TMEM123: variants seen among roughly 807,000 people sequenced by gnomAD.
The protein encoded by TMEM123 is porimin.
TMEM123 carries 16 observed loss-of-function variants against 19.7 expected under a neutral mutation model. That is an observed-to-expected ratio of 0.81 (90% CI 0.55 to 1.23). The LOEUF (loss-of-function observed/expected upper bound fraction) is 1.23. Among genes scored for constraint, TMEM123 ranks in the 50% most tolerant of loss-of-function variants. The pLI is 0.00. For missense variants in TMEM123, 313 were observed against 257.8 expected (o/e 1.21, Z -1.47); for synonymous variants, 118 against 99.4 (o/e 1.19, Z -1.12).
chr11:102,439,145 G>A (rs542147379), intron 2 of TMEM123, among the ~76,000 whole-genome samples: 28 of 152,328 alleles, frequency 1.8e-4, no homozygotes, highest in South Asian at 4.1e-4. Context: ...TGCCTCTGTA[G>A]ATTCCACCTC....
At chr11:102,438,455 T>C (rs886141741) in intron 2 of TMEM123, among the ~76,000 whole-genome samples, 2 of 152,258 alleles carry the variant, frequency 1.3e-5, no homozygotes, top group Non-Finnish European at 2.9e-5. Flanking sequence ...CAGGAACTTA[T>C]TCATCTTATT....
intron 2 of TMEM123, among the ~76,000 whole-genome samples, chr11:102,441,799 A>T (rs992101002): frequency 6.6e-6 from 1 of 152,136 alleles, no homozygotes; most frequent in Non-Finnish European, 1.5e-5. Context: ...TTGATAGACC[A>T]CTAGCAAGAC....
intron 2 of TMEM123, among the ~76,000 whole-genome samples, chr11:102,445,388 A>T (rs1189559968): frequency 6.6e-6 from 1 of 152,208 alleles, no homozygotes; most frequent in Non-Finnish European, 1.5e-5. Flanking sequence ...TCTATCAGTG[A>T]ATCAATCAAT....
chr11:102,429,378 T>C (rs990375221), intron 2 of TMEM123, among the ~76,000 whole-genome samples: 3 of 152,174 alleles, frequency 2.0e-5, no homozygotes, highest in African/African-American at 7.2e-5. Context: ...CCTCTTCAGT[T>C]TTTTTCCTCC....
chr11:102,425,639 A>C (rs2135854548), intron 2 of TMEM123, among the ~76,000 whole-genome samples: 1 of 136,676 alleles, frequency 7.3e-6, no homozygotes, highest in East Asian at 2.1e-4. Context: ...CTAGAAGTGC[A>C]GTGGCATGGT....
chr11:102,402,163 G>T lies in TMEM123; in HGVS notation c.201C>A (p.Ser67=). The T allele has an allele frequency of 6.2e-7, 1 of 1,614,052 alleles. No homozygotes were observed. Among genetic ancestry groups the T allele is most frequent in the Non-Finnish European group, 8.5e-7 (1 of 1,180,002 alleles). ...HVPSDHTNET[S]NSTVKPPTSV... Reference sequence around the variant, plus strand: ...AAGTTGGTGGTTTCACAGTACTGTTGGAAGTTTCATTTGTATGGTCAGAAG... The same window carrying T: ...AAGTTGGTGGTTTCACAGTACTGTTTGAAGTTTCATTTGTATGGTCAGAAG... Residue 67 remains serine (S), a synonymous_variant, in exon 3 of 5, where the codon TCC becomes TCA. Transcript: ENST00000398136.
chr11:102,420,937 C>T (rs1320169320), intron 2 of TMEM123, among the ~76,000 whole-genome samples: 1 of 152,150 alleles, frequency 6.6e-6, no homozygotes, highest in Non-Finnish European at 1.5e-5. Context: ...ATCCCAGCTA[C>T]TCTGGAGGTT....
chr11:102,417,571 C>T (rs1952052193), intron 2 of TMEM123, among the ~76,000 whole-genome samples: 1 of 152,098 alleles, frequency 6.6e-6, no homozygotes, highest in Admixed American at 6.5e-5. Context: ...ATTAAGATGG[C>T]CATACTGCCC....
intron 1 of TMEM123, among the ~76,000 whole-genome samples, chr11:102,450,961 T>C (rs1293997106): frequency 6.6e-6 from 1 of 152,250 alleles, no homozygotes; most frequent in Non-Finnish European, 1.5e-5. Context: ...AAATCTTCTA[T>C]TGTATACCTT....
intron 2 of TMEM123, 148 bp from the exon 3 acceptor site, chr11:102,402,354 C>G: frequency 1.4e-6 from 1 of 736,258 alleles, no homozygotes; most frequent in East Asian, 2.7e-5. Flanking sequence ...ATACTTTGCA[C>G]TATACTGCAA....
chr11:102,408,350 T>G (rs1269238507), intron 2 of TMEM123, among the ~76,000 whole-genome samples: 1 of 152,214 alleles, frequency 6.6e-6, no homozygotes, highest in Non-Finnish European at 1.5e-5. Context: ...GTAAAATTAT[T>G]ACTCCTAATT....
intron 2 of TMEM123, among the ~76,000 whole-genome samples, chr11:102,409,390 T>G (rs1435442569): frequency 1.3e-5 from 2 of 152,148 alleles, no homozygotes; most frequent in African/African-American, 4.8e-5. Context: ...ATTTACAACC[T>G]TACCCCATCA....
At chr11:102,443,605 C>T (rs764654893) in intron 2 of TMEM123, among the ~76,000 whole-genome samples, 33 of 152,164 alleles carry the variant, frequency 2.2e-4, no homozygotes, top group Non-Finnish European at 4.6e-4. Flanking sequence ...AGAAGAAAAC[C>T]TAAGCAATAC....
chr11:102,405,102 G>A (rs1357537001), intron 2 of TMEM123, among the ~76,000 whole-genome samples: 1 of 150,530 alleles, frequency 6.6e-6, no homozygotes, highest in Non-Finnish European at 1.5e-5. Flanking sequence ...AGGCTGGAGT[G>A]CAGTGGCGTG....
At position 102,402,005 on chromosome 11, in the gene TMEM123, C is replaced by G. The variant is rs1394390963; in HGVS notation, c.359G>C (p.Ser120Thr). The G allele has an allele frequency of 2.5e-6, 4 of 1,614,114 alleles. No individual in the cohort carries two copies. The highest frequency in any genetic ancestry group is 2.5e-6 in the Non-Finnish European group (3 of 1,180,012). Reference sequence around the variant, plus strand: ...TATCTGAGATGTGTTCTGTGAAACACTTGTTGTTTTGGGTGTAGACTTTAA... The same window carrying G: ...TATCTGAGATGTGTTCTGTGAAACAGTTGTTGTTTTGGGTGTAGACTTTAA... ...TTLKSTPKTT[S>T]VSQNTSQIST... The change falls in exon 3 of 5, where the codon AGT (serine) becomes ACT (threonine). Residue 120 changes from serine (S) to threonine (T), a missense_variant. Ser to Thr is a moderately conservative substitution (Grantham distance 58). Transcript: ENST00000398136.
At chr11:102,435,961 A>C (rs925771190) in intron 2 of TMEM123, among the ~76,000 whole-genome samples, 1 of 151,846 alleles carries the variant, frequency 6.6e-6, no homozygotes, top group Non-Finnish European at 1.5e-5. Flanking sequence ...GGTGATGGTT[A>C]AACATACCTG....
chr11:102,443,392 C>G (rs560810024), intron 2 of TMEM123, among the ~76,000 whole-genome samples: 24 of 152,300 alleles, frequency 1.6e-4, no homozygotes, highest in African/African-American at 4.6e-4. Context: ...AATAATACCA[C>G]ACTTCTACAA....
At chr11:102,415,232 A>AG (rs2135849505) in intron 2 of TMEM123, among the ~76,000 whole-genome samples, 1 of 152,350 alleles carries the variant, frequency 6.6e-6, no homozygotes, top group South Asian at 2.1e-4. Flanking sequence ...ACCACACAAT[A>AG]GTGGCGGACT....
intron 1 of TMEM123, chr11:102,452,205 T>A (rs1857948524): frequency 3.9e-6 from 1 of 253,300 alleles, no homozygotes; most frequent in Admixed American, 5.5e-5. Context: ...TCGGCAAACA[T>A]TAACTTCAGG....
Sources: gnomAD v4.1 joint callset for allele counts (sites outside exome capture counted in the v4.1 genomes callset) on GRCh38, gnomAD v4.1.1 for gene constraint, MANE v1.5 for transcripts, NCBI Gene and HGNC (gene_info 2026-07-23, HGNC 2026-07-21) for gene names.